Variants in CLEC2B observed in about 807,000 individuals in gnomAD.
CLEC2B encodes the protein C-type lectin domain family 2 member B, also known as C-type (calcium dependent, carbohydrate-recognition domain) lectin, superfamily member 2 (activation-induced).
CLEC2B carries 14 observed loss-of-function variants against 16.2 expected under a neutral mutation model. The observed-to-expected ratio is 0.86, with a 90% confidence interval of 0.57 to 1.35. The LOEUF (loss-of-function observed/expected upper bound fraction) is 1.35, where lower values mean the gene tolerates loss of function less well. Ranked by LOEUF, CLEC2B falls within the 40% of genes most tolerant of loss-of-function variation. The probability of loss-of-function intolerance (pLI) is 0.00; values close to 1 mark genes in which losing one functional copy is unlikely to be tolerated. For missense variants in CLEC2B, 166 were observed against 182.3 expected, an observed-to-expected ratio of 0.91 and a Z score of 0.52; for synonymous variants, 42 against 55.8, an observed-to-expected ratio of 0.75 and a Z score of 1.10.
chr12:9,862,830 C>G (rs566297829), intron 1 of CLEC2B, among the ~76,000 whole-genome samples: 76 of 152,284 alleles, frequency 5.0e-4, no homozygotes, highest in South Asian at 1.9e-3. Context: ...TCCCTGCAAT[C>G]TTTCCGGTAC....
At position 9,853,238 on chromosome 12, in the gene CLEC2B, C is replaced by A; in HGVS notation, c.*62G>T. On this transcript the variant is annotated 3_prime_UTR_variant, in exon 5 of 5. Coordinates refer to ENST00000228438, the MANE Select transcript of CLEC2B (RefSeq NM_005127.3). ...CGAACTTTGTTTAATTAAAAAAGTA[C>A]TTTGCTGGTTTTACACTTAATAATG... The A allele has an allele frequency of 7.7e-7, 1 of 1,297,198 alleles. No individual in the cohort carries two copies. The highest frequency in any genetic ancestry group is 1.1e-6 in the Non-Finnish European group (1 of 906,826). 80.4% of individuals were successfully genotyped at this position (1,297,198 alleles called of 1,614,324 possible).
chr12:9,854,315 A>G, intron 4 of CLEC2B, 66 bp downstream of exon 4: 1 of 1,031,584 alleles, frequency 9.7e-7, no homozygotes, highest in Non-Finnish European at 1.5e-6. Context: ...AATTTAGCTA[A>G]AGCATAAGTC....
chr12:9,863,305 G>A (rs1591770022), intron 1 of CLEC2B, among the ~76,000 whole-genome samples: 1 of 151,866 alleles, frequency 6.6e-6, no homozygotes, highest in African/African-American at 2.4e-5. Context: ...CAAAAAAATC[G>A]ACAGGTAAAT....
At position 9,853,057 on chromosome 12, in the gene CLEC2B, A is replaced by AAAAGAAAGAAAGAAAGAAAGAAAG. The variant is rs1229892834; in HGVS notation, c.*219_*242dup. ...AATTGTTTTCTGGTTTACAGTTAAA[A>AAAAGAAAGAAAGAAAGAAAGAAAG]AAAGAAAGAAAGAAAGAAAGAAAGA... On this transcript the variant is annotated 3_prime_UTR_variant, in exon 5 of 5. Coordinates refer to ENST00000228438, the MANE Select transcript of CLEC2B (RefSeq NM_005127.3). 188 of 98,776 alleles carry AAAAGAAAGAAAGAAAGAAAGAAAG rather than the reference A, an allele frequency of 1.9e-3. 2 individuals carry two copies. Among genetic ancestry groups the AAAAGAAAGAAAGAAAGAAAGAAAG allele is most frequent in the African/African-American group, 5.5e-3 (43 of 7,808 alleles). The allele number at this position is 98,776 out of a possible 1,614,324, so 6.1% of individuals were successfully genotyped here.
chr12:9,866,241 C>G (rs1351721450), intron 1 of CLEC2B, among the ~76,000 whole-genome samples: 1 of 151,966 alleles, frequency 6.6e-6, no homozygotes, highest in Non-Finnish European at 1.5e-5. Context: ...CCTCAGGTAT[C>G]GAAAAGACAG....
chr12:9,864,185 A>T (rs925289937), intron 1 of CLEC2B, among the ~76,000 whole-genome samples: 1 of 149,216 alleles, frequency 6.7e-6, no homozygotes, highest in Non-Finnish European at 1.5e-5. Flanking sequence ...AAACCCTGCC[A>T]TCTAAGAATA....
At position 9,854,441 on chromosome 12, in the gene CLEC2B, C is replaced by G; in HGVS notation, c.281G>C (p.Gly94Ala). 6.2e-7 allele frequency: 1 copy of G among 1,613,750 alleles called. No homozygotes were observed. The highest frequency in any genetic ancestry group is 1.3e-5 in the African/African-American group (1 of 75,016). The part of the protein sequence containing the change: ...RYKCSSDHWI[G>A]LKMAKNRTGQ... ...TGTTCGATTTTTTGCCATCTTCAGT[C>G]CAATCCAGTGATCAGAACTGCATTT... Residue 94 changes from glycine to alanine, a missense_variant, in exon 4 of 5, where the codon GGA (glycine) becomes GCA (alanine). Transcript: ENST00000228438.
At chr12:9,864,781 A>C (rs186645403) in intron 1 of CLEC2B, among the ~76,000 whole-genome samples, 78 of 152,276 alleles carry the variant, frequency 5.1e-4, no homozygotes, top group Non-Finnish European at 1.0e-4. Context: ...GAAAAGAAAA[A>C]AGAGAGAAAT....
Position 9,857,619 on chromosome 12 carries a change from GA to G in CLEC2B, c.91del (p.Ser31LeufsTer40). On this transcript the variant is annotated frameshift_variant, in exon 3 of 5. Coordinates refer to ENST00000228438, the MANE Select transcript of CLEC2B (RefSeq NM_005127.3). LOFTEE classifies it high-confidence loss of function. The stretch of plus-strand genomic sequence containing the variant: ...CCAATCATAGGGGCATAAACTCTGA[GA>G]ATCTCGAGTTAGTTTAACTGGAAAT... The part of the protein sequence containing the change: ...ITLIVKLTRD[S>X]QSLCPYDWIG... The G allele has an allele frequency of 3.7e-6, 6 of 1,609,054 alleles. No homozygotes were observed. Among genetic ancestry groups the G allele is most frequent in the Non-Finnish European group, 5.1e-6 (6 of 1,176,160 alleles).
chr12:9,862,453 TCA>T, intron 2 of CLEC2B, 44 bp downstream of exon 2: 1 of 1,388,068 alleles, frequency 7.2e-7, no homozygotes. Context: ...AGGAATAGGA[TCA>T]CACATAGAAA....
At chr12:9,854,783 TTTGAAA>T in intron 3 of CLEC2B, 1 of 433,336 alleles carries the variant, frequency 2.3e-6, no homozygotes. Context: ...GAAAGACAAG[TTTGAAA>T]TTGAGCTCTC....
At position 9,866,771 on chromosome 12, in the gene CLEC2B, T is replaced by A. The variant is rs1867973027; in HGVS notation, c.-3+2434A>T. On this transcript the variant is annotated intron_variant, in intron 1 of 4. Transcript: ENST00000228438. Reference sequence around the variant, plus strand: ...CTGCTTAAATCAATGGCCTTTTCAATTAAAAAAAAATCTAGCTTATTGAAG... The same window carrying A: ...CTGCTTAAATCAATGGCCTTTTCAAATAAAAAAAAATCTAGCTTATTGAAG... Among the ~76,000 whole-genome samples the A allele has an allele frequency of 2.6e-5, 4 of 152,096 alleles. No individual in the cohort carries two copies. In the East Asian group the frequency reaches 5.8e-4, roughly 22 times the overall value.
At chr12:9,866,347 T>C (rs1867969957) in intron 1 of CLEC2B, among the ~76,000 whole-genome samples, 1 of 152,158 alleles carries the variant, frequency 6.6e-6, no homozygotes, top group East Asian at 1.9e-4. Flanking sequence ...TGTAAAAATA[T>C]AGATGTTAGA....
chr12:9,863,324 A>G (rs1010309362), intron 1 of CLEC2B, among the ~76,000 whole-genome samples: 4 of 152,174 alleles, frequency 2.6e-5, no homozygotes, highest in African/African-American at 9.7e-5. Flanking sequence ...ATTACAAGGA[A>G]TATTTAAACA....
intron 1 of CLEC2B, 88 bp from the exon 2 acceptor site, chr12:9,862,661 AAAC>A (rs1867941506): frequency 4.4e-6 from 5 of 1,130,154 alleles, no homozygotes; most frequent in East Asian, 4.1e-5. Flanking sequence ...CCCCCACAGA[AAAC>A]AACAACAAAA....
At chr12:9,858,869 A>G (rs758530304) in intron 2 of CLEC2B, among the ~76,000 whole-genome samples, 1 of 152,016 alleles carries the variant, frequency 6.6e-6, no homozygotes. Context: ...GACCTTTACA[A>G]ATAGAATAAT....
intron 1 of CLEC2B, among the ~76,000 whole-genome samples, chr12:9,866,849 C>T (rs1453790250): frequency 6.6e-6 from 1 of 152,014 alleles, no homozygotes; most frequent in Non-Finnish European, 1.5e-5. Context: ...TAACTTCGAG[C>T]TAACAGGTAG....
In CLEC2B at chr12:9,854,363, A is replaced by T. The variant is rs1314096931; in HGVS notation, c.341+18T>A. ...GCACTATCTAAATTTAAGTGATCCC[A>T]GAAAAAAATAAACTCACGATTTGGT... On this transcript the variant is annotated intron_variant, in intron 4 of 4. Transcript: ENST00000228438. 1.9e-6 allele frequency: 3 copies of T among 1,557,116 alleles called. No homozygotes were observed. Among genetic ancestry groups the T allele is most frequent in the Admixed American group, 1.7e-5 (1 of 58,626 alleles).
chr12:9,857,484 A>G lies in CLEC2B; in HGVS notation c.227T>C (p.Ile76Thr), dbSNP rs757761158. 11 of 1,606,202 alleles carry G rather than the reference A, an allele frequency of 6.8e-6. No individual in the cohort carries two copies. Among genetic ancestry groups the G allele is most frequent in the Admixed American group, 1.7e-5 (1 of 59,510 alleles). ...TATTAAATTACTTACCATTTCTTCT[A>G]TGTTGTCAATTATAGTTAGGTCGGC... ...QHADLTIIDN[I>T]EEMNFLRRYK... Residue 76 changes from isoleucine to threonine, a missense_variant, in exon 3 of 5, where the codon ATA (isoleucine) becomes ACA (threonine). By Grantham distance (89) the Ile-to-Thr change is moderately conservative. Coordinates refer to ENST00000228438, the MANE Select transcript of CLEC2B (RefSeq NM_005127.3).
Sources: gnomAD v4.1 joint callset for allele counts (sites outside exome capture counted in the v4.1 genomes callset) on GRCh38, gnomAD v4.1.1 for gene constraint, MANE v1.5 for transcripts, NCBI Gene and HGNC (gene_info 2026-07-23, HGNC 2026-07-21) for gene names.